Variants in PLA2G12B observed in about 807,000 individuals in gnomAD.
PLA2G12B encodes the protein phospholipase A2 group XIIB, also known as group XIIB secretory phospholipase A2-like protein.
PLA2G12B carries 19 observed loss-of-function variants against 22.3 expected under a neutral mutation model. The observed-to-expected ratio is 0.85, with a 90% CI of 0.60 to 1.25. PLA2G12B has a LOEUF of 1.25. PLA2G12B is among the 50% of genes most tolerant of loss of function. The pLI is 0.00. For synonymous variants in PLA2G12B, 81 were observed against 94.9 expected (o/e 0.85, Z 0.85); for missense variants, 191 against 246.6 (o/e 0.77, Z 1.51).
chr10:72,939,948 CTGGGTTAATTTGCAGTAACCAGGCAAG>C (rs1262602653), intron 3 of PLA2G12B, among the ~76,000 whole-genome samples: 2 of 152,180 alleles, frequency 1.3e-5, no homozygotes, highest in African/African-American at 4.8e-5. Flanking sequence ...GACACAGAGA[CTGGGTTAATTTGCAGTAACCAGGCAAG>C]TGGGATATGA....
rs11304148 is a variant in PLA2G12B at position 72,949,995 on chromosome 10, GAA to G, written c.211+4478_211+4479del. 3.5e-4 allele frequency among the ~76,000 whole-genome samples: 49 copies of G among 141,180 alleles called. 1 individual carries two copies. The highest frequency in any genetic ancestry group is 2.5e-3 in the South Asian group (11 of 4,456). The allele number at this position is 141,180 out of a possible 152,430, so 92.6% of individuals were successfully genotyped here. On this transcript the variant is annotated intron_variant, in intron 1 of 3. Transcript: ENST00000373032. Reference sequence around the variant, plus strand: ...CCGTCTCAAGAAAAACAAAATTCCAGAAAAAAAAAAAAGAAAGAAAGGTATGT... The same window carrying G: ...CCGTCTCAAGAAAAACAAAATTCCAGAAAAAAAAAAGAAAGAAAGGTATGT...
In PLA2G12B at chr10:72,935,791, G is replaced by A. The variant is rs1374469725; in HGVS notation, c.467-53C>T. 6 of 1,582,762 alleles carry A rather than the reference G, an allele frequency of 3.8e-6. No individual in the cohort carries two copies. The East Asian group carries it at 1.4e-4, about 36-fold the overall frequency. On this transcript the variant is annotated intron_variant, in intron 3 of 3. Transcript: ENST00000373032. ...GGTTAACCCTGAGTAATTTTGAAGA[G>A]TATTTCCAGGCATGACATGATACCC...
intron 1 of PLA2G12B, among the ~76,000 whole-genome samples, chr10:72,943,505 T>C (rs916295502): frequency 2.0e-5 from 3 of 151,968 alleles, no homozygotes; most frequent in Admixed American, 6.6e-5. Flanking sequence ...GTAGACAGAG[T>C]ATTATTGAGT....
intron 1 of PLA2G12B, among the ~76,000 whole-genome samples, chr10:72,953,606 C>T (rs1846567839): frequency 6.6e-6 from 1 of 152,164 alleles, no homozygotes; most frequent in South Asian, 2.1e-4. Context: ...TGCGCATTGG[C>T]AATTACACGA....
chr10:72,941,079 T>G, intron 3 of PLA2G12B, 90 bp downstream of exon 3: 1 of 1,345,296 alleles, frequency 7.4e-7, no homozygotes, highest in Non-Finnish European at 1.0e-6. Context: ...GCTCTGATGA[T>G]CTCTTCGAGT....
At chr10:72,940,716 A>G (rs550459929) in intron 3 of PLA2G12B, among the ~76,000 whole-genome samples, 39 of 152,106 alleles carry the variant, frequency 2.6e-4, no homozygotes, top group African/African-American at 8.7e-4. Flanking sequence ...ATCCTCAAGT[A>G]TATAGAGACC....
chr10:72,939,991 A>G (rs1158631126), intron 3 of PLA2G12B, among the ~76,000 whole-genome samples: 1 of 152,184 alleles, frequency 6.6e-6, no homozygotes, highest in East Asian at 1.9e-4. Context: ...TATGAAAGAG[A>G]TATTTGGGAG....
At chr10:72,944,635 C>T (rs1489815696) in intron 1 of PLA2G12B, among the ~76,000 whole-genome samples, 1 of 152,174 alleles carries the variant, frequency 6.6e-6, no homozygotes, top group African/African-American at 2.4e-5. Flanking sequence ...CTGCAATTTT[C>T]TCCATATTGT....
intron 1 of PLA2G12B, among the ~76,000 whole-genome samples, chr10:72,946,214 G>A (rs534755006): frequency 6.6e-6 from 1 of 152,182 alleles, no homozygotes; most frequent in South Asian, 2.1e-4. Context: ...ACAATATGTG[G>A]CCTTTTGTGT....
chr10:72,938,127 A>AAAAG (rs373306939), intron 3 of PLA2G12B, among the ~76,000 whole-genome samples: 16 of 151,838 alleles, frequency 1.1e-4, no homozygotes, highest in South Asian at 6.2e-4. Flanking sequence ...AAAAAAAAAA[A>AAAAG]AAAGAAAGAA....
chr10:72,934,840 C>T lies in PLA2G12B; in HGVS notation c.*777G>A, dbSNP rs1369665032. ...GGGAATGGCCACTTGTCTCTCACTC[C>T]CGACAGGCTGCAGGGACTTTTCCTA... On this transcript the variant is annotated 3_prime_UTR_variant, in exon 4 of 4. Transcript: ENST00000373032. 2.0e-5 allele frequency among the ~76,000 whole-genome samples: 3 copies of T among 152,300 alleles called. No homozygotes were observed. The highest frequency in any genetic ancestry group is 2.4e-5 in the African/African-American group (1 of 41,560).
Position 72,954,761 on chromosome 10 carries a change from A to C in PLA2G12B, c.-76T>G. 2 of 1,468,030 alleles carry C rather than the reference A, an allele frequency of 1.4e-6. No homozygotes were observed. The highest frequency in any genetic ancestry group is 1.8e-5 in the Admixed American group (1 of 54,554). The allele number at this position is 1,468,030 out of a possible 1,614,324, so 90.9% of individuals were successfully genotyped here. A position where few individuals can be genotyped will look rare whatever the true frequency, so the allele number is the denominator to read the frequency against. On this transcript the variant is annotated 5_prime_UTR_variant, in exon 1 of 4. Coordinates refer to ENST00000373032, the MANE Select transcript of PLA2G12B (RefSeq NM_032562.5). ...CCAGAATTCCAGGGACAAACCCCCT[A>C]CCCAGATGTCAGGCAGGACTGGGAA... is the stretch of plus-strand genomic sequence containing the variant.
intron 1 of PLA2G12B, among the ~76,000 whole-genome samples, chr10:72,949,326 C>T (rs1232950088): frequency 1.3e-5 from 2 of 152,166 alleles, no homozygotes; most frequent in Non-Finnish European, 2.9e-5. Flanking sequence ...AAAGTGGTAT[C>T]TCATTGTTAC....
chr10:72,946,130 C>T (rs1451455178), intron 1 of PLA2G12B, among the ~76,000 whole-genome samples: 1 of 152,108 alleles, frequency 6.6e-6, no homozygotes, highest in East Asian at 1.9e-4. Context: ...AAAAAGAAAC[C>T]CTGTACCCAT....
At chr10:72,935,816 C>G in intron 3 of PLA2G12B, 78 bp from the exon 4 acceptor site, 1 of 1,502,418 alleles carries the variant, frequency 6.7e-7, no homozygotes, top group South Asian at 1.3e-5. Flanking sequence ...ACATGATACC[C>G]AGAGGAAAGT....
chr10:72,942,678 A>G lies in PLA2G12B; in HGVS notation c.274T>C (p.Phe92Leu), dbSNP rs778058059. 3 of 1,607,616 alleles carry G rather than the reference A, an allele frequency of 1.9e-6. No individual in the cohort carries two copies. The highest frequency in any genetic ancestry group is 1.7e-6 in the Non-Finnish European group (2 of 1,177,184). ...CTTTCTGGTACCTTGAGACCCAGGAAATAGGAGCCGCAGCCATTGGGCTCT... is the reference window on the plus strand; with the variant it reads ...CTTTCTGGTACCTTGAGACCCAGGAGATAGGAGCCGCAGCCATTGGGCTCT... ...PQEPNGCGSY[F>L]LGLKVPESMD... is the part of the protein sequence containing the mutation. Residue 92 changes from phenylalanine to leucine, a missense_variant, in exon 2 of 4, where the codon TTC becomes CTC. Physicochemically the swap from Phe to Leu is conservative, Grantham distance 22. Coordinates refer to ENST00000373032, the MANE Select transcript of PLA2G12B (RefSeq NM_032562.5).
At chr10:72,952,027 G>T (rs1319543678) in intron 1 of PLA2G12B, among the ~76,000 whole-genome samples, 1 of 152,156 alleles carries the variant, frequency 6.6e-6, no homozygotes, top group Non-Finnish European at 1.5e-5. Context: ...CCTTTACCTT[G>T]GCTGTGCTTT....
At chr10:72,943,847 C>A (rs984500816) in intron 1 of PLA2G12B, among the ~76,000 whole-genome samples, 2 of 152,234 alleles carry the variant, frequency 1.3e-5, no homozygotes, top group Non-Finnish European at 2.9e-5. Flanking sequence ...AAAGCCTATG[C>A]TCCTTCACCA....
At chr10:72,942,198 A>G (rs1846374400) in intron 2 of PLA2G12B, among the ~76,000 whole-genome samples, 1 of 150,022 alleles carries the variant, frequency 6.7e-6, no homozygotes, top group Admixed American at 6.7e-5. Flanking sequence ...GCAGATTTCT[A>G]TGATGTCAGC....
Sources: allele counts gnomAD v4.1 joint callset (sites outside exome capture counted in the v4.1 genomes callset), GRCh38; gene constraint gnomAD v4.1.1; transcripts MANE v1.5; gene names NCBI Gene and HGNC (gene_info 2026-07-23, HGNC 2026-07-21).